FBN2: variants seen among roughly 807,000 people sequenced by gnomAD.
The protein encoded by FBN2 is fibrillin-2.
FBN2 carries 105 observed loss-of-function variants against 355.6 expected under a neutral mutation model. That is an observed-to-expected ratio of 0.30 (90% CI 0.25 to 0.35). The LOEUF (loss-of-function observed/expected upper bound fraction) is 0.35, where lower values mean the gene tolerates loss of function less well. Among genes scored for constraint, FBN2 ranks in the 10% least tolerant of loss-of-function variants. The probability of loss-of-function intolerance (pLI) is 1.00; values close to 1 mark genes in which losing one functional copy is unlikely to be tolerated. For synonymous variants in FBN2, 1,350 were observed against 1,301.2 expected (o/e 1.04, Z -0.81); for missense variants, 3,280 against 3,758.7 (o/e 0.87, Z 3.33).
At position 128,468,944 on chromosome 5, in the gene FBN2, C is replaced by T. The variant is rs1389982764; in HGVS notation, c.629-4023G>A. Among the ~76,000 whole-genome samples the T allele has an allele frequency of 5.3e-5, 8 of 152,234 alleles. No individual in the cohort carries two copies. The East Asian group carries it at 1.5e-3, about 29-fold the overall frequency. On this transcript the variant is annotated intron_variant, in intron 5 of 64. Coordinates refer to ENST00000262464, the MANE Select transcript of FBN2 (RefSeq NM_001999.4). ...CACAATTAATCATCTCTTACACTTA[C>T]CTTTTTGAATTATTTATATACAGTG...
chr5:128,376,956 C>T (rs1324447611), intron 13 of FBN2, 103 bp from the exon 14 acceptor site: 1 of 1,380,264 alleles, frequency 7.2e-7, no homozygotes, highest in African/African-American at 1.4e-5. Flanking sequence ...CTAAATGAGC[C>T]ATGTGCTCAT....
intron 5 of FBN2, among the ~76,000 whole-genome samples, chr5:128,511,346 A>ACT (rs1756123269): frequency 6.6e-6 from 1 of 152,326 alleles, no homozygotes; most frequent in South Asian, 2.1e-4. Context: ...AGCATTTCAG[A>ACT]CTTTGTAAAT....
At chr5:128,443,224 A>G (rs558034044) in intron 7 of FBN2, among the ~76,000 whole-genome samples, 3 of 152,314 alleles carry the variant, frequency 2.0e-5, no homozygotes, top group South Asian at 2.1e-4. Flanking sequence ...TGATCTCTCA[A>G]TGGCAACCAA....
intron 55 of FBN2, among the ~76,000 whole-genome samples, chr5:128,281,716 C>T (rs1166208995): frequency 2.0e-5 from 3 of 152,128 alleles, no homozygotes; most frequent in East Asian, 1.9e-4. Context: ...GACAGAGTCT[C>T]GCTCTGTCGA....
At chr5:128,338,175 A>G (rs1750896815) in intron 26 of FBN2, 53 bp from the exon 27 acceptor site, 3 of 1,564,094 alleles carry the variant, frequency 1.9e-6, no homozygotes, top group Non-Finnish European at 2.6e-6. Context: ...AAAAATATTC[A>G]CACATACAGC....
chr5:128,344,563 TC>T, intron 24 of FBN2, 53 bp from the exon 25 acceptor site: 1 of 1,581,930 alleles, frequency 6.3e-7, no homozygotes, highest in Non-Finnish European at 8.7e-7. Context: ...AACGATTAGG[TC>T]CATCACTTTA....
chr5:128,535,769 T>C (rs1756827991), intron 2 of FBN2, among the ~76,000 whole-genome samples: 1 of 151,576 alleles, frequency 6.6e-6, no homozygotes, highest in Admixed American at 6.6e-5. Context: ...CTGCACACTA[T>C]TGAGGTTCAG....
intron 5 of FBN2, among the ~76,000 whole-genome samples, chr5:128,504,371 G>C (rs946630440): frequency 2.0e-5 from 3 of 152,132 alleles, no homozygotes; most frequent in African/African-American, 7.2e-5. Context: ...ACAACAACTT[G>C]TACTGTGTGC....
At chr5:128,378,421 C>A (rs1752143328) in intron 12 of FBN2, among the ~76,000 whole-genome samples, 2 of 152,114 alleles carry the variant, frequency 1.3e-5, no homozygotes, top group African/African-American at 4.8e-5. Context: ...CCAGGCATGA[C>A]TTGGTGTTGG....
intron 35 of FBN2, among the ~76,000 whole-genome samples, chr5:128,318,511 A>C (rs866018154): frequency 6.6e-6 from 1 of 152,086 alleles, no homozygotes; most frequent in African/African-American, 2.4e-5. Context: ...TAATTAATTA[A>C]AATTTGCAAC....
intron 5 of FBN2, among the ~76,000 whole-genome samples, chr5:128,465,657 C>T (rs1754693239): frequency 6.6e-6 from 1 of 152,194 alleles, no homozygotes; most frequent in Non-Finnish European, 1.5e-5. Flanking sequence ...GAATTCCTTA[C>T]ACGTAAGTTA....
intron 5 of FBN2, among the ~76,000 whole-genome samples, chr5:128,508,829 T>C (rs55944506): frequency 0.12 from 18,411 of 152,040 alleles, 1,503 homozygotes; most frequent in African/African-American, 0.23. Flanking sequence ...TTATTTATTT[T>C]ACTTCTGATT....
At chr5:128,470,798 A>C (rs1231164105) in intron 5 of FBN2, among the ~76,000 whole-genome samples, 3 of 151,898 alleles carry the variant, frequency 2.0e-5, no homozygotes, top group Non-Finnish European at 4.4e-5. Flanking sequence ...CATTTATGTG[A>C]CTGTCAGTGG....
At position 128,263,671 on chromosome 5, in the gene FBN2, A is replaced by T; in HGVS notation, c.7961-15T>A. The T allele has an allele frequency of 6.3e-7, 1 of 1,597,232 alleles. No homozygotes were observed. Among genetic ancestry groups the T allele is most frequent in the Non-Finnish European group, 8.6e-7 (1 of 1,165,772 alleles). On this transcript the variant is annotated splice_polypyrimidine_tract_variant and intron_variant, in intron 62 of 64. Coordinates refer to ENST00000262464, the MANE Select transcript of FBN2 (RefSeq NM_001999.4). ...TTCATTCTCATCTAGTGAAACGAAG[A>T]AAGAAACTCTTACACGGGGAAGCAG...
intron 5 of FBN2, among the ~76,000 whole-genome samples, chr5:128,491,199 C>T (rs905661335): frequency 2.4e-4 from 37 of 152,182 alleles, no homozygotes; most frequent in Admixed American, 2.2e-3. Flanking sequence ...AGAACACACA[C>T]AGTCTGTACT....
At chr5:128,537,126 C>G (rs1018726328) in intron 1 of FBN2, among the ~76,000 whole-genome samples, 7 of 152,152 alleles carry the variant, frequency 4.6e-5, no homozygotes, top group Admixed American at 2.6e-4. Flanking sequence ...TAACCACCCG[C>G]CGCCCAACCC....
intron 44 of FBN2, 33 bp downstream of exon 44, chr5:128,305,478 C>G (rs761174401): frequency 1.2e-6 from 2 of 1,612,990 alleles, no homozygotes; most frequent in Non-Finnish European, 1.7e-6. Flanking sequence ...ATCTTGTGCT[C>G]AGTGCCAAAG....
chr5:128,409,485 AT>A (rs1157381673), intron 7 of FBN2, among the ~76,000 whole-genome samples: 2 of 152,162 alleles, frequency 1.3e-5, no homozygotes, highest in African/African-American at 2.4e-5. Context: ...TTTCTTTAAA[AT>A]TTTCCTTAAA....
intron 45 of FBN2, among the ~76,000 whole-genome samples, chr5:128,303,395 T>C (rs1325147611): frequency 6.6e-6 from 1 of 152,172 alleles, no homozygotes; most frequent in Non-Finnish European, 1.5e-5. Flanking sequence ...TGCTTAATAA[T>C]CGTAAATAAA....
Sources: gnomAD v4.1 joint callset for allele counts (sites outside exome capture counted in the v4.1 genomes callset) on GRCh38, gnomAD v4.1.1 for gene constraint, MANE v1.5 for transcripts, NCBI Gene and HGNC (gene_info 2026-07-23, HGNC 2026-07-21) for gene names.